WDFY3: variants seen among roughly 807,000 people sequenced by gnomAD.
The protein encoded by WDFY3 is WD repeat and FYVE domain-containing protein 3.
WDFY3 carries 66 observed loss-of-function variants against 409.6 expected under a neutral mutation model. The ratio of observed to expected loss-of-function variants is 0.16; its 90% CI spans 0.13 to 0.20. The LOEUF is 0.20. Ranked by LOEUF, WDFY3 falls within the 10% of genes least tolerant of loss-of-function variation. WDFY3 has a pLI of 1.00. For synonymous variants in WDFY3, 1,521 were observed against 1,537.1 expected, an observed-to-expected ratio of 0.99 and a Z score of 0.25; for missense variants, 3,031 against 4,298.1, an observed-to-expected ratio of 0.71 and a Z score of 8.24.
intron 3 of WDFY3, among the ~76,000 whole-genome samples, chr4:84,885,389 C>G (rs1764076908): frequency 6.6e-6 from 1 of 150,512 alleles, no homozygotes; most frequent in South Asian, 2.1e-4. Context: ...CGTAAGAACT[C>G]TAACAGGATA....
intron 6 of WDFY3, 107 bp downstream of exon 6, chr4:84,841,047 T>C (rs1343691811): frequency 1.8e-5 from 16 of 865,584 alleles, no homozygotes; most frequent in Middle Eastern, 5.3e-4. Context: ...TACAAATGAT[T>C]ATCATAGTAT....
chr4:84,795,635 G>A (rs533186136), intron 19 of WDFY3, among the ~76,000 whole-genome samples: 31 of 152,160 alleles, frequency 2.0e-4, no homozygotes, highest in Middle Eastern at 6.8e-3. Flanking sequence ...GGTGGCGTGC[G>A]CCCATAATCC....
chr4:84,927,592 C>T (rs141737212), intron 2 of WDFY3, among the ~76,000 whole-genome samples: 2 of 152,214 alleles, frequency 1.3e-5, no homozygotes, highest in African/African-American at 2.4e-5. Flanking sequence ...GTGTCAAGGG[C>T]GGGGCCAGGT....
At chr4:84,794,067 T>G (rs571109125) in intron 21 of WDFY3, among the ~76,000 whole-genome samples, 4 of 152,308 alleles carry the variant, frequency 2.6e-5, no homozygotes, top group African/African-American at 7.2e-5. Context: ...TGGAGAAAAC[T>G]AAGGAATTAG....
intron 37 of WDFY3, among the ~76,000 whole-genome samples, chr4:84,743,130 C>T (rs1326232557): frequency 6.6e-6 from 1 of 152,160 alleles, no homozygotes; most frequent in Non-Finnish European, 1.5e-5. Context: ...GCTAGGAACT[C>T]AAAAGTAGCA....
At chr4:84,703,029 G>A (rs1418991693) in intron 55 of WDFY3, among the ~76,000 whole-genome samples, 9 of 151,962 alleles carry the variant, frequency 5.9e-5, no homozygotes, top group East Asian at 1.9e-4. Flanking sequence ...CCCAGGGGGC[G>A]GAGCCTGCAG....
chr4:84,682,595 T>C, intron 63 of WDFY3, 125 bp from the exon 64 acceptor site: 1 of 769,612 alleles, frequency 1.3e-6, no homozygotes, highest in Non-Finnish European at 2.1e-6. Context: ...GTTATACAGT[T>C]AGATTTCCCG....
chr4:84,802,837 T>C (rs1249753192), intron 16 of WDFY3, among the ~76,000 whole-genome samples: 1 of 152,210 alleles, frequency 6.6e-6, no homozygotes, highest in African/African-American at 2.4e-5. Context: ...GCAAGCCTAT[T>C]GTTTACATCT....
intron 17 of WDFY3, among the ~76,000 whole-genome samples, chr4:84,801,066 G>C (rs1399676469): frequency 2.0e-5 from 3 of 152,168 alleles, no homozygotes; most frequent in Non-Finnish European, 2.9e-5. Flanking sequence ...AGGGGAGTGG[G>C]TATGACAATA....
At chr4:84,683,214 TTG>T (rs1269126328) in intron 63 of WDFY3, among the ~76,000 whole-genome samples, 1 of 152,190 alleles carries the variant, frequency 6.6e-6, no homozygotes, top group Non-Finnish European at 1.5e-5. Flanking sequence ...TTGTGAGTTT[TTG>T]TGTGTGCACA....
intron 57 of WDFY3, among the ~76,000 whole-genome samples, chr4:84,696,521 G>A (rs1344503430): frequency 1.3e-5 from 2 of 151,884 alleles, no homozygotes; most frequent in African/African-American, 4.8e-5. Flanking sequence ...ATATGTATAG[G>A]AAAATACATA....
At chr4:84,862,820 T>C (rs1361896401) in intron 3 of WDFY3, among the ~76,000 whole-genome samples, 2 of 152,126 alleles carry the variant, frequency 1.3e-5, no homozygotes, top group Non-Finnish European at 2.9e-5. Context: ...ACCCCGTCTC[T>C]ACTAAAAGTA....
chr4:84,811,172 T>C (rs1217334297), intron 13 of WDFY3, among the ~76,000 whole-genome samples: 1 of 152,106 alleles, frequency 6.6e-6, no homozygotes, highest in Non-Finnish European at 1.5e-5. Flanking sequence ...TAATTTTTTG[T>C]ATTTTTAGTA....
chr4:84,797,192 A>G (rs965634271), intron 18 of WDFY3, among the ~76,000 whole-genome samples: 8 of 152,196 alleles, frequency 5.3e-5, no homozygotes, highest in African/African-American at 1.9e-4. Context: ...CAAATTAGAG[A>G]TAAATGGCAG....
intron 1 of WDFY3, among the ~76,000 whole-genome samples, chr4:84,955,606 C>T (rs1774146835): frequency 6.6e-6 from 1 of 151,932 alleles, no homozygotes; most frequent in South Asian, 2.1e-4. Context: ...TAAGATATTA[C>T]TAATGGGGAA....
At chr4:84,808,994 T>A (rs933251769) in intron 14 of WDFY3, 2 of 152,266 alleles carry the variant, frequency 1.3e-5, no homozygotes, top group Non-Finnish European at 2.9e-5. Flanking sequence ...ACACAAAACC[T>A]ATTACAAGCT....
In WDFY3 at chr4:84,816,143, C is replaced by T. The variant is rs185655063; in HGVS notation, c.1887+1249G>A. On this transcript the variant is annotated intron_variant, in intron 13 of 67. Coordinates refer to ENST00000295888, the MANE Select transcript of WDFY3 (RefSeq NM_014991.6). Reference sequence around the variant, plus strand: ...TGCCCTCGTCCTGGAATCAAGGAGGCCTGAATCCTTACAACGGAAAATTGT... The same window carrying T: ...TGCCCTCGTCCTGGAATCAAGGAGGTCTGAATCCTTACAACGGAAAATTGT... Among the ~76,000 whole-genome samples, 340 of 152,164 alleles carry T rather than the reference C, an allele frequency of 2.2e-3. 2 individuals carry two copies. The highest frequency in any genetic ancestry group is 7.8e-3 in the African/African-American group (324 of 41,542).
chr4:84,826,259 T>A (rs866054527), intron 10 of WDFY3, among the ~76,000 whole-genome samples: 16 of 152,216 alleles, frequency 1.1e-4, no homozygotes, highest in African/African-American at 3.1e-4. Flanking sequence ...GCAAAATAAG[T>A]ACATAGCATT....
At chr4:84,944,322 C>G (rs954347629) in intron 1 of WDFY3, among the ~76,000 whole-genome samples, 2 of 150,932 alleles carry the variant, frequency 1.3e-5, no homozygotes, top group East Asian at 3.9e-4. Context: ...CTCAGGAGTT[C>G]AAGACCAGCC....
Sources: allele counts gnomAD v4.1 joint callset (sites outside exome capture counted in the v4.1 genomes callset), GRCh38; gene constraint gnomAD v4.1.1; transcripts MANE v1.5; gene names NCBI Gene and HGNC (gene_info 2026-07-23, HGNC 2026-07-21).